Variants in AARS1 observed in about 807,000 individuals in gnomAD.
The protein encoded by AARS1 is alanyl-tRNA synthetase 1.
AARS1 carries 72 observed loss-of-function variants against 108.9 expected under a neutral mutation model. That is an observed-to-expected ratio of 0.66 (90% CI 0.55 to 0.80). The LOEUF is 0.80. AARS1 is among the 30% of genes least tolerant of loss of function. The pLI, the probability that AARS1 is intolerant of heterozygous loss-of-function variation, is 0.00. For missense variants in AARS1, 1,193 were observed against 1,233.2 expected (o/e 0.97, Z 0.49); for synonymous variants, 489 against 465.7 (o/e 1.05, Z -0.64).
rs369135192 is a variant in AARS1, at chr16:70,267,659, C to A, written c.1222G>T (p.Gly408Ter). 1.2e-6 allele frequency: 2 copies of A among 1,614,106 alleles called. No individual in the cohort carries two copies. The highest frequency in any genetic ancestry group is 1.7e-6 in the Non-Finnish European group (2 of 1,180,028). ...QSLGDSKTIPGDTAWLLYDTY... is the reference protein window; with the variant it reads ...QSLGDSKTIP ...GAGAAGGGCAAAAACTGGTACCTAC[C>A]GGGAATGGTCTTGCTGTCTCCCAGG... Residue 408 changes from glycine (G) to a stop codon, truncating the protein, a stop_gained and splice_region_variant, in exon 9 of 21, where the codon GGA becomes TGA. Coordinates refer to ENST00000261772, the MANE Select transcript of AARS1 (RefSeq NM_001605.3). LOFTEE classifies it high-confidence loss of function.
At chr16:70,254,140 T>C in intron 17 of AARS1, 102 bp from the exon 18 acceptor site, 1 of 1,520,340 alleles carries the variant, frequency 6.6e-7, no homozygotes, top group Non-Finnish European at 9.0e-7. Context: ...ACTAGTGTCC[T>C]GGAAAGGAAA....
chr16:70,257,440 A>G (rs1283676530), intron 15 of AARS1, among the ~76,000 whole-genome samples: 4 of 152,084 alleles, frequency 2.6e-5, no homozygotes, highest in Admixed American at 1.3e-4. Context: ...AAAAACCACA[A>G]TTCTTTTCAC....
intron 1 of AARS1, among the ~76,000 whole-genome samples, chr16:70,286,479 G>C (rs531709664): frequency 2.7e-4 from 41 of 150,484 alleles, no homozygotes; most frequent in Admixed American, 1.8e-3. Context: ...TCCCACCTCA[G>C]CCTCCGGAGT....
In AARS1 at chr16:70,283,138, C is replaced by T. The variant is rs144938548; in HGVS notation, c.-21-354G>A. ...GGACAGCCAGGCACGATGGCTCACG[C>T]CTGTAATCCCAACACTTTGGGAGGG... is the stretch of plus-strand genomic sequence containing the variant. On this transcript the variant is annotated intron_variant, in intron 1 of 20. Transcript: ENST00000261772. 4.2e-4 allele frequency among the ~76,000 whole-genome samples: 64 copies of T among 152,272 alleles called. 1 individual carries two copies. The highest frequency in any genetic ancestry group is 1.5e-3 in the African/African-American group (62 of 41,552).
At chr16:70,272,934 G>A (rs1567608998) in intron 4 of AARS1, among the ~76,000 whole-genome samples, 2 of 102,964 alleles carry the variant, frequency 1.9e-5, no homozygotes, top group Non-Finnish European at 3.7e-5. Context: ...AAAAGATTGT[G>A]CTTGCTTATC....
rs1960022817 is a variant in AARS1, at chr16:70,257,590, G to C, written c.2177+443C>G. On this transcript the variant is annotated intron_variant, in intron 15 of 20. Transcript: ENST00000261772. Reference sequence around the variant, plus strand: ...CTGAGTCAACCACGTGGCCTGCTCGGGGGCTCTGAGACAATGGAGCTACAT... The same window carrying C: ...CTGAGTCAACCACGTGGCCTGCTCGCGGGCTCTGAGACAATGGAGCTACAT... Among the ~76,000 whole-genome samples, 3 of 152,254 alleles carry C rather than the reference G, an allele frequency of 2.0e-5. No individual in the cohort carries two copies. In the Middle Eastern group the frequency reaches 0.01, roughly 518 times the overall value.
intron 8 of AARS1, among the ~76,000 whole-genome samples, chr16:70,268,014 A>G (rs1960306756): frequency 6.6e-6 from 1 of 152,188 alleles, no homozygotes; most frequent in South Asian, 2.1e-4. Flanking sequence ...CTAAAACAGA[A>G]AAGATTAGCC....
At position 70,270,259 on chromosome 16, in the gene AARS1, C is replaced by A; in HGVS notation, c.753G>T (p.Leu251=). Residue 251 remains leucine, a synonymous_variant, in exon 6 of 21, where the codon CTG becomes CTT. Coordinates refer to ENST00000261772, the MANE Select transcript of AARS1 (RefSeq NM_001605.3). Reference sequence around the variant, plus strand: ...TGTCATAGTTGGACATCTTATTCTGCAGCACAGATACCAGTCGTTCCAGGC... The same window carrying A: ...TGTCATAGTTGGACATCTTATTCTGAAGCACAGATACCAGTCGTTCCAGGC... ...GMGLERLVSV[L]QNKMSNYDTD... is the part of the protein sequence containing the mutation. 6.2e-7 allele frequency: 1 copy of A among 1,614,170 alleles called. No individual in the cohort carries two copies. The highest frequency in any genetic ancestry group is 1.7e-5 in the Admixed American group (1 of 60,006).
Position 70,253,912 on chromosome 16 carries a change from G to T in AARS1, c.2520+7C>A. 1 of 1,614,214 alleles carries T rather than the reference G, an allele frequency of 6.2e-7. No homozygotes were observed. Among genetic ancestry groups the T allele is most frequent in the Non-Finnish European group, 8.5e-7 (1 of 1,180,046 alleles). ...ACACTCTGGCCACTGGTGCTGCCAG[G>T]ACTCACTCGTTTCTGGACATCGGCT... On this transcript the variant is annotated splice_region_variant and intron_variant, in intron 18 of 20. Transcript: ENST00000261772.
At chr16:70,272,048 G>C (rs1417461295) in intron 4 of AARS1, 76 bp from the exon 5 acceptor site, 1 of 1,414,688 alleles carries the variant, frequency 7.1e-7, no homozygotes, top group Non-Finnish European at 1.0e-6. Flanking sequence ...CACCGCAAAA[G>C]AAATTCTTAG....
At chr16:70,272,112 C>T (rs932180641) in intron 4 of AARS1, 140 bp from the exon 5 acceptor site, 7 of 741,570 alleles carry the variant, frequency 9.4e-6, no homozygotes, top group South Asian at 3.2e-5. Flanking sequence ...GACAACAGAG[C>T]GAGACTCTGT....
chr16:70,281,877 C>T (rs901374707), intron 2 of AARS1, among the ~76,000 whole-genome samples: 13 of 150,972 alleles, frequency 8.6e-5, no homozygotes, highest in African/African-American at 1.5e-4. Context: ...GCTGGCCGGG[C>T]GTGGTGGCTC....
At chr16:70,262,988 A>AAAAAC (rs1960176390) in intron 11 of AARS1, among the ~76,000 whole-genome samples, 1 of 147,602 alleles carries the variant, frequency 6.8e-6, no homozygotes, top group Non-Finnish European at 1.5e-5. Context: ...AAAAAAAAAA[A>AAAAAC]AAAAAAAAAA....
intron 1 of AARS1, among the ~76,000 whole-genome samples, chr16:70,284,967 C>T (rs564530827): frequency 6.6e-6 from 1 of 152,316 alleles, no homozygotes; most frequent in African/African-American, 2.4e-5. Flanking sequence ...CGGTGGCTCA[C>T]ACCTGTAATC....
chr16:70,268,503 C>T lies in AARS1; in HGVS notation c.963-124G>A, dbSNP rs985559697. ...TCTTTTATCCTAAGCCTGCTTCTTTCGCATTCCCCAAGGTCATTAATTTTA... is the reference window on the plus strand; with the variant it reads ...TCTTTTATCCTAAGCCTGCTTCTTTTGCATTCCCCAAGGTCATTAATTTTA... On this transcript the variant is annotated intron_variant, in intron 7 of 20. Transcript: ENST00000261772. The T allele has an allele frequency of 3.1e-5, 23 of 741,144 alleles. No homozygotes were observed. The South Asian group carries it at 3.2e-4, about 10-fold the overall frequency. The allele number at this position is 741,144 out of a possible 1,614,324, so 45.9% of individuals were successfully genotyped here. A position where few individuals can be genotyped will look rare whatever the true frequency, so the allele number is the denominator to read the frequency against.
At position 70,259,104 on chromosome 16, in the gene AARS1, T is replaced by C; in HGVS notation, c.1868A>G (p.Asp623Gly). Residue 623 changes from aspartate (D) to glycine (G), a missense_variant, in exon 14 of 21, where the codon GAC (aspartate) becomes GGC (glycine). By Grantham distance (94) the Asp-to-Gly change is moderately conservative. Transcript: ENST00000261772. Reference protein sequence around the residue: ...FALRSVLGEADQKGSLVAPDR... With the variant: ...FALRSVLGEAGQKGSLVAPDR... Reference sequence around the variant, plus strand: ...AGGAGCAACCAATGAGCCTTTCTGGTCAGCTTCCCCAAGCACTGAGCGCAG... The same window carrying C: ...AGGAGCAACCAATGAGCCTTTCTGGCCAGCTTCCCCAAGCACTGAGCGCAG... 1 of 1,614,212 alleles carries C rather than the reference T, an allele frequency of 6.2e-7. No homozygotes were observed. The highest frequency in any genetic ancestry group is 1.1e-5 in the South Asian group (1 of 91,086).
At chr16:70,259,220 G>C (rs1378417868) in intron 13 of AARS1, 34 bp from the exon 14 acceptor site, 4 of 1,589,524 alleles carry the variant, frequency 2.5e-6, no homozygotes, top group African/African-American at 2.7e-5. Context: ...GGAGAGGTCT[G>C]TAATAGACTG....
chr16:70,264,972 G>A lies in AARS1; in HGVS notation c.1478C>T (p.Ser493Phe). 6.2e-7 allele frequency: 1 copy of A among 1,614,104 alleles called. No individual in the cohort carries two copies. Among genetic ancestry groups the A allele is most frequent in the East Asian group, 2.2e-5 (1 of 44,878 alleles). ...CAGCAACATACCATAGCTACCACTG[G>A]AGTCCAAATGGTAATTGTACTTTGG... The part of the protein sequence containing the change: ...DSPKYNYHLD[S>F]SGSYVFENTV... Residue 493 changes from serine to phenylalanine, a missense_variant, in exon 11 of 21, where the codon TCC (serine) becomes TTC (phenylalanine). By Grantham distance (155) the Ser-to-Phe change is radical. Coordinates refer to ENST00000261772, the MANE Select transcript of AARS1 (RefSeq NM_001605.3).
chr16:70,272,847 C>T (rs1050378641), intron 4 of AARS1, among the ~76,000 whole-genome samples: 2 of 148,690 alleles, frequency 1.3e-5, no homozygotes, highest in Non-Finnish European at 3.0e-5. Flanking sequence ...GAAGTTGAGG[C>T]TGCAGTGAGC....
Sources: allele counts gnomAD v4.1 joint callset (sites outside exome capture counted in the v4.1 genomes callset), GRCh38; gene constraint gnomAD v4.1.1; transcripts MANE v1.5; gene names NCBI Gene and HGNC (gene_info 2026-07-23, HGNC 2026-07-21).